The following NCK2 variants were observed in gnomAD, a reference collection of about 807,000 sequenced individuals.
The protein encoded by NCK2 is NCK adaptor protein 2.
Under a neutral mutation model 33.9 loss-of-function variants are expected in NCK2, and 16 were observed. That is an observed-to-expected ratio of 0.47 (90% CI 0.32 to 0.72). The LOEUF (loss-of-function observed/expected upper bound fraction) is 0.72, where lower values mean the gene tolerates loss of function less well. Among genes scored for constraint, NCK2 ranks in the 30% least tolerant of loss-of-function variants. The pLI is 0.03. For missense variants in NCK2, 418 were observed against 537.3 expected, an observed-to-expected ratio of 0.78 and a Z score of 2.19; for synonymous variants, 273 against 239.9, an observed-to-expected ratio of 1.14 and a Z score of -1.27.
At chr2:105,858,391 C>T (rs550567870) in intron 3 of NCK2, among the ~76,000 whole-genome samples, 1 of 152,242 alleles carries the variant, frequency 6.6e-6, no homozygotes, top group Admixed American at 6.5e-5. Flanking sequence ...TCTGGGACTA[C>T]GGGCATGCAC....
At chr2:105,890,164 A>G (rs1678912372) in intron 4 of NCK2, among the ~76,000 whole-genome samples, 1 of 152,134 alleles carries the variant, frequency 6.6e-6, no homozygotes, top group Non-Finnish European at 1.5e-5. Flanking sequence ...TCTGCTCAGG[A>G]GCCCACGAAA....
intron 4 of NCK2, 93 bp from the exon 5 acceptor site, chr2:105,892,889 T>A: frequency 3.9e-6 from 3 of 776,144 alleles, no homozygotes; most frequent in Non-Finnish European, 5.6e-6. Context: ...GAGCAATGGG[T>A]GGTTTGGATT....
intron 1 of NCK2, among the ~76,000 whole-genome samples, chr2:105,760,863 A>G (rs1276487928): frequency 6.6e-6 from 1 of 151,958 alleles, no homozygotes. Context: ...ATAAAAAATC[A>G]CCGAAAAATC....
chr2:105,767,877 A>G (rs1019215307), intron 1 of NCK2, among the ~76,000 whole-genome samples: 3 of 152,200 alleles, frequency 2.0e-5, no homozygotes, highest in African/African-American at 7.2e-5. Context: ...TATGCACTTA[A>G]TAAATACTAA....
chr2:105,835,405 A>ATATATATATATATATATATGTG (rs70953537), intron 2 of NCK2, among the ~76,000 whole-genome samples: 12 of 37,908 alleles, frequency 3.2e-4, no homozygotes, highest in Non-Finnish European at 6.9e-4. Context: ...ATATATATAT[A>ATATATATATATATATATATGTG]CGTGTATATA....
intron 2 of NCK2, among the ~76,000 whole-genome samples, chr2:105,817,492 C>T (rs140687065): frequency 7.4e-4 from 112 of 152,200 alleles, no homozygotes; most frequent in Non-Finnish European, 1.5e-3. Flanking sequence ...TGAGAAGACA[C>T]ATTTTCACCT....
intron 1 of NCK2, among the ~76,000 whole-genome samples, chr2:105,766,705 G>A (rs1441524581): frequency 3.3e-5 from 5 of 152,128 alleles, no homozygotes. Context: ...CCTGGCGGGG[G>A]CGGGGTCTGC....
intron 1 of NCK2, among the ~76,000 whole-genome samples, chr2:105,797,531 A>AGGGAGGCTG (rs1691123976): frequency 6.6e-6 from 1 of 152,184 alleles, no homozygotes; most frequent in Non-Finnish European, 1.5e-5. Context: ...CACCCATGTG[A>AGGGAGGCTG]GGGAGGCTGC....
At chr2:105,820,146 A>G (rs1474691162) in intron 2 of NCK2, among the ~76,000 whole-genome samples, 2 of 152,214 alleles carry the variant, frequency 1.3e-5, no homozygotes, top group African/African-American at 4.8e-5. Flanking sequence ...ACAGAGGTAT[A>G]ATGTGTTTCC....
At position 105,771,238 on chromosome 2, in the gene NCK2, A is replaced by G. The variant is rs561752721; in HGVS notation, c.-201+26100A>G. Among the ~76,000 whole-genome samples the G allele has an allele frequency of 2.6e-5, 4 of 151,536 alleles. No homozygotes were observed. In the East Asian group the frequency reaches 5.9e-4, roughly 22 times the overall value. On this transcript the variant is annotated intron_variant, in intron 1 of 4. Transcript: ENST00000233154. ...CGCCCCGCCCAATATCACTATTTCT[A>G]TCCCCTTTTATATTTTCCATTCTGA...
At chr2:105,848,170 G>T (rs1244248529) in intron 2 of NCK2, among the ~76,000 whole-genome samples, 1 of 152,192 alleles carries the variant, frequency 6.6e-6, no homozygotes, top group Non-Finnish European at 1.5e-5. Context: ...TGAGTGTTAG[G>T]TATTTCCTGT....
intron 1 of NCK2, among the ~76,000 whole-genome samples, chr2:105,794,295 G>A (rs1384312659): frequency 2.0e-5 from 3 of 151,868 alleles, no homozygotes; most frequent in East Asian, 1.9e-4. Flanking sequence ...CAAGTGATCC[G>A]CCCGCCTCAG....
chr2:105,750,175 G>A (rs954747869), intron 1 of NCK2, among the ~76,000 whole-genome samples: 5 of 152,150 alleles, frequency 3.3e-5, no homozygotes, highest in Non-Finnish European at 1.5e-5. Context: ...GGTTTCTGGT[G>A]AGTGTCTCTT....
At chr2:105,857,080 T>C (rs1677303485) in intron 3 of NCK2, 1 of 150,620 alleles carries the variant, frequency 6.6e-6, no homozygotes, top group African/African-American at 2.5e-5. Context: ...AAGCATGAAG[T>C]GCTTAGAGAC....
At chr2:105,860,749 C>G (rs1292502253) in intron 3 of NCK2, among the ~76,000 whole-genome samples, 1 of 151,558 alleles carries the variant, frequency 6.6e-6, no homozygotes, top group East Asian at 1.9e-4. Flanking sequence ...CCGTGGATGC[C>G]GGCGGCGCTG....
At chr2:105,786,164 G>A (rs952842213) in intron 1 of NCK2, among the ~76,000 whole-genome samples, 5 of 152,344 alleles carry the variant, frequency 3.3e-5, no homozygotes, top group East Asian at 1.9e-4. Flanking sequence ...CATGATTAGC[G>A]TTGTGGACTG....
chr2:105,861,731 T>A (rs1340090083), intron 3 of NCK2, among the ~76,000 whole-genome samples: 3 of 152,040 alleles, frequency 2.0e-5, no homozygotes, highest in Non-Finnish European at 4.4e-5. Flanking sequence ...GCCAGGCTGG[T>A]CTCGAACTCC....
intron 2 of NCK2, among the ~76,000 whole-genome samples, chr2:105,822,418 C>T (rs1035104136): frequency 6.6e-6 from 1 of 151,944 alleles, no homozygotes; most frequent in Admixed American, 6.6e-5. Context: ...TCTGTACAGG[C>T]CAGGGGACTT....
chr2:105,821,486 T>C (rs976422836), intron 2 of NCK2, among the ~76,000 whole-genome samples: 6 of 152,320 alleles, frequency 3.9e-5, no homozygotes, highest in Middle Eastern at 3.4e-3. Context: ...GTTTCTTCTG[T>C]ACAGTGTACC....
Sources: gnomAD v4.1 joint callset for allele counts (sites outside exome capture counted in the v4.1 genomes callset) on GRCh38, gnomAD v4.1.1 for gene constraint, MANE v1.5 for transcripts, NCBI Gene and HGNC (gene_info 2026-07-23, HGNC 2026-07-21) for gene names.